BLTP1: variants seen among roughly 807,000 people sequenced by gnomAD.
BLTP1 encodes the protein fragile site-associated protein.
At chr4:122,197,501 C>T in the BLTP1 span, 12 of 822,328 alleles carry the variant, frequency 1.5e-5, no homozygotes, top group East Asian at 2.5e-4. Context: ...TTTATTATAA[C>T]GTATACATTT....
At chr4:122,174,550 G>T in the BLTP1 span, 1 of 1,603,286 alleles carries the variant, frequency 6.2e-7, no homozygotes, top group African/African-American at 1.4e-5. Flanking sequence ...TACATTAACT[G>T]CTGTTTTTTC....
the BLTP1 span, chr4:122,349,760 T>C: frequency 6.4e-7 from 1 of 1,553,856 alleles, no homozygotes; most frequent in South Asian, 1.3e-5. The surrounding 1 kb of genome is among the most constrained non-coding windows in gnomAD (Gnocchi z 4.5). Flanking sequence ...ATGCAATTAA[T>C]ACAAATTAAA....
At chr4:122,336,082 A>C in the BLTP1 span, 1 of 720,380 alleles carries the variant, frequency 1.4e-6, no homozygotes. Flanking sequence ...TTTTCTTGTA[A>C]GGCCTTAAAT....
the BLTP1 span, chr4:122,246,579 C>G: frequency 7.5e-7 from 1 of 1,334,390 alleles, no homozygotes; most frequent in Non-Finnish European, 1.0e-6. Flanking sequence ...CTGTCAAATA[C>G]ATAGATATGC....
At chr4:122,236,656 A>G in the BLTP1 span, 1 of 627,600 alleles carries the variant, frequency 1.6e-6, no homozygotes, top group South Asian at 7.2e-5. Context: ...AGATTGCTTG[A>G]TTTTCAAAGA....
At chr4:122,167,830 C>T in the BLTP1 span, 2 of 985,396 alleles carry the variant, frequency 2.0e-6, no homozygotes, top group Non-Finnish European at 2.4e-6. Context: ...CACCTTGCAA[C>T]TCTTAGATTG....
the BLTP1 span, among the ~76,000 whole-genome samples, chr4:122,357,806 C>T: frequency 6.6e-6 from 1 of 152,068 alleles, no homozygotes; most frequent in African/African-American, 2.4e-5. Flanking sequence ...GTTCAAGTCA[C>T]ACTATAATAT....
the BLTP1 span, among the ~76,000 whole-genome samples, chr4:122,192,689 T>C: frequency 2.0e-5 from 3 of 152,140 alleles, no homozygotes; most frequent in Non-Finnish European, 4.4e-5. Flanking sequence ...GATTTCTTCA[T>C]TGATCCCCTA....
chr4:122,360,977 T>C, the BLTP1 span, among the ~76,000 whole-genome samples: 1 of 152,216 alleles, frequency 6.6e-6, no homozygotes, highest in Non-Finnish European at 1.5e-5. Flanking sequence ...TAAGCCCAGC[T>C]CTTTTGCATA....
At chr4:122,277,782 CTAAT>C in the BLTP1 span, 1 of 914,440 alleles carries the variant, frequency 1.1e-6, no homozygotes, top group Non-Finnish European at 1.3e-6. Flanking sequence ...CTTTGACTCC[CTAAT>C]TAGATTTTAA....
At chr4:122,204,488 T>A in the BLTP1 span, 715 of 961,972 alleles carry the variant, frequency 7.4e-4, 1 homozygote, top group Non-Finnish European at 8.7e-4. Flanking sequence ...AAACATTGCA[T>A]GACTTGGGCA....
At chr4:122,272,052 A>G in the BLTP1 span, 1 of 1,333,346 alleles carries the variant, frequency 7.5e-7, no homozygotes, top group Non-Finnish European at 1.0e-6. Context: ...TAGGAGAAAG[A>G]GGACTGGTTG....
the BLTP1 span, chr4:122,298,828 T>C: frequency 1.0e-6 from 1 of 978,992 alleles, no homozygotes; most frequent in Non-Finnish European, 1.2e-6. Context: ...GACAGTTTGA[T>C]GAAAGAAAAT....
the BLTP1 span, chr4:122,247,376 T>C: frequency 6.2e-7 from 1 of 1,611,406 alleles, no homozygotes; most frequent in Non-Finnish European, 8.5e-7. Context: ...CTACAACAAA[T>C]ATGTTTTTTC....
chr4:122,305,304 T>C, the BLTP1 span: 1 of 974,188 alleles, frequency 1.0e-6, no homozygotes, highest in Non-Finnish European at 1.2e-6. Context: ...GTTCTTAAAA[T>C]GTTAAGTGTA....
the BLTP1 span, chr4:122,189,106 A>G: frequency 1.0e-6 from 1 of 957,168 alleles, no homozygotes; most frequent in Non-Finnish European, 1.2e-6. Context: ...AATTATAGAG[A>G]GTAAGATGAA....
At chr4:122,250,602 T>C in the BLTP1 span, 3 of 1,595,122 alleles carry the variant, frequency 1.9e-6, no homozygotes, top group African/African-American at 4.0e-5. Flanking sequence ...GTAATAATAA[T>C]GGTGCTTTAG....
At chr4:122,260,564 T>C in the BLTP1 span, among the ~76,000 whole-genome samples, 1 of 152,192 alleles carries the variant, frequency 6.6e-6, no homozygotes, top group Non-Finnish European at 1.5e-5. Context: ...ACTAAAACTT[T>C]TGAATAGTGT....
the BLTP1 span, among the ~76,000 whole-genome samples, chr4:122,337,446 C>T: frequency 2.0e-5 from 3 of 151,874 alleles, no homozygotes. Flanking sequence ...AAGTGAAATG[C>T]AGAATGGTTG....
Sources: allele counts gnomAD v4.1 joint callset (sites outside exome capture counted in the v4.1 genomes callset), GRCh38; gene constraint gnomAD v4.1.1; non-coding constraint Gnocchi (gnomAD v3.1); transcripts MANE v1.5; gene names NCBI Gene and HGNC (gene_info 2026-07-23, HGNC 2026-07-21).